Variants in NEGR1 observed in about 807,000 individuals in gnomAD.
The protein encoded by NEGR1 is IgLON family member 4.
Under a neutral mutation model 40.9 loss-of-function variants are expected in NEGR1, and 10 were observed. That is an observed-to-expected ratio of 0.24 (90% CI 0.15 to 0.42). The LOEUF (loss-of-function observed/expected upper bound fraction) is 0.42, where lower values mean the gene tolerates loss of function less well. NEGR1 is among the 10% of genes least tolerant of loss of function. NEGR1 has a pLI of 1.00. For synonymous variants in NEGR1, 185 were observed against 166.8 expected (o/e 1.11, Z -0.84); for missense variants, 352 against 438.9 (o/e 0.80, Z 1.77).
At chr1:72,157,291 T>C (rs1201669483) in intron 1 of NEGR1, among the ~76,000 whole-genome samples, 1 of 152,196 alleles carries the variant, frequency 6.6e-6, no homozygotes, top group East Asian at 1.9e-4. Flanking sequence ...GTGTGTTTTA[T>C]ATTGTATTGG....
At chr1:71,697,871 A>C in intron 4 of NEGR1, 137 bp downstream of exon 4, 3 of 721,174 alleles carry the variant, frequency 4.2e-6, no homozygotes, top group Middle Eastern at 3.1e-4. Context: ...TTCAACATCT[A>C]CACGTCTTCA....
At chr1:72,033,400 G>A (rs1646876047) in intron 1 of NEGR1, among the ~76,000 whole-genome samples, 1 of 152,018 alleles carries the variant, frequency 6.6e-6, no homozygotes, top group African/African-American at 2.4e-5. Flanking sequence ...CTATTACCCT[G>A]CAATAATGGA....
In NEGR1 at chr1:71,402,649, A is replaced by C. The variant is rs1218728994; in HGVS notation, c.*4797T>G. 1 of 152,290 alleles carries C rather than the reference A, an allele frequency of 6.6e-6. No homozygotes were observed. Among genetic ancestry groups the C allele is most frequent in the African/African-American group, 2.4e-5 (1 of 41,574 alleles). The allele number at this position is 152,290 out of a possible 1,614,324, so 9.4% of individuals were successfully genotyped here. ...TTCTTGGAAAGTTCAGAGGGAGTAC[A>C]TTGACGGGTGTTTGGATCAAATTCC... On this transcript the variant is annotated 3_prime_UTR_variant, in exon 7 of 7. Coordinates refer to ENST00000357731, the MANE Select transcript of NEGR1 (RefSeq NM_173808.3).
intron 3 of NEGR1, among the ~76,000 whole-genome samples, chr1:71,717,204 A>G (rs1323401650): frequency 6.6e-6 from 1 of 152,202 alleles, no homozygotes; most frequent in African/African-American, 2.4e-5. Flanking sequence ...ATATTTGTCT[A>G]CATATGCTGT....
At chr1:72,225,346 C>A (rs1473373294) in intron 1 of NEGR1, among the ~76,000 whole-genome samples, 1 of 151,736 alleles carries the variant, frequency 6.6e-6, no homozygotes, top group African/African-American at 2.4e-5. Context: ...CATGGTATAT[C>A]TTTTATAATA....
Position 71,880,593 on chromosome 1 carries a change from A to G in NEGR1, c.409+54486T>C, listed in dbSNP as rs554041535. ...TTTGAAATGAACTCCAAACACTTCA[A>G]CATAGATAGAAAACCTTGCAGTTTC... On this transcript the variant is annotated intron_variant, in intron 2 of 6. Coordinates refer to ENST00000357731, the MANE Select transcript of NEGR1 (RefSeq NM_173808.3). Among the ~76,000 whole-genome samples the G allele has an allele frequency of 4.6e-5, 7 of 152,174 alleles. No homozygotes were observed. In the South Asian group the frequency reaches 1.4e-3, roughly 32 times the overall value.
rs116424719 is a variant in NEGR1, at chr1:72,222,413, A to G, written c.176+59906T>C. On this transcript the variant is annotated intron_variant, in intron 1 of 6. Coordinates refer to ENST00000357731, the MANE Select transcript of NEGR1 (RefSeq NM_173808.3). ...TCTGCAAAGACTAGAATAAATCTCTACTTCTTCAGATGCATGGACACCAAC... is the reference window on the plus strand; with the variant it reads ...TCTGCAAAGACTAGAATAAATCTCTGCTTCTTCAGATGCATGGACACCAAC... 5.2e-3 allele frequency among the ~76,000 whole-genome samples: 797 copies of G among 152,258 alleles called. 7 individuals are homozygous for G. The highest frequency in any genetic ancestry group is 0.017 in the African/African-American group (723 of 41,566).
At chr1:71,520,940 G>A (rs1190999231) in intron 6 of NEGR1, among the ~76,000 whole-genome samples, 1 of 152,006 alleles carries the variant, frequency 6.6e-6, no homozygotes, top group Non-Finnish European at 1.5e-5. Flanking sequence ...ATTAATCTGT[G>A]ATTAGATTAA....
intron 4 of NEGR1, among the ~76,000 whole-genome samples, chr1:71,634,407 G>A (rs909650143): frequency 6.6e-6 from 1 of 152,074 alleles, no homozygotes; most frequent in East Asian, 1.9e-4. Flanking sequence ...AGCCAAGCTG[G>A]CTTTAATGTG....
intron 4 of NEGR1, among the ~76,000 whole-genome samples, chr1:71,615,648 T>G (rs1471675949): frequency 1.3e-5 from 2 of 152,124 alleles, no homozygotes; most frequent in African/African-American, 4.8e-5. Flanking sequence ...GAAGAGAAGG[T>G]GGGGCAGGGG....
intron 1 of NEGR1, among the ~76,000 whole-genome samples, chr1:71,945,688 T>A (rs866776656): frequency 6.6e-6 from 1 of 152,130 alleles, no homozygotes; most frequent in Non-Finnish European, 1.5e-5. Context: ...GTTATAAAAG[T>A]TGTACTGGGA....
At chr1:71,868,381 A>G (rs1055493978) in intron 2 of NEGR1, among the ~76,000 whole-genome samples, 3 of 152,254 alleles carry the variant, frequency 2.0e-5, no homozygotes, top group Middle Eastern at 3.4e-3. Flanking sequence ...AGAAATAGCC[A>G]TCTTAAACAA....
At chr1:71,872,889 T>TTC (rs899050827) in intron 2 of NEGR1, among the ~76,000 whole-genome samples, 33 of 152,174 alleles carry the variant, frequency 2.2e-4, no homozygotes, top group African/African-American at 7.7e-4. Context: ...GACATTGTTG[T>TTC]TCTCTCTCTT....
intron 4 of NEGR1, among the ~76,000 whole-genome samples, chr1:71,659,276 T>G (rs1206858514): frequency 6.6e-6 from 1 of 152,132 alleles, no homozygotes; most frequent in African/African-American, 2.4e-5. Flanking sequence ...CAAACAGGCT[T>G]GAAACTCAGA....
intron 4 of NEGR1, among the ~76,000 whole-genome samples, chr1:71,690,121 T>C (rs1653203137): frequency 6.6e-6 from 1 of 151,986 alleles, no homozygotes; most frequent in Admixed American, 6.6e-5. Flanking sequence ...TTCTCTCCCT[T>C]CACACACATA....
intron 6 of NEGR1, 120 bp from the exon 7 acceptor site, chr1:71,407,690 G>A: frequency 1.2e-6 from 1 of 866,172 alleles, no homozygotes; most frequent in Non-Finnish European, 1.8e-6. Flanking sequence ...CAGACAGACT[G>A]AAGTTCATAT....
intron 1 of NEGR1, among the ~76,000 whole-genome samples, chr1:72,193,614 A>G (rs1399055915): frequency 2.0e-5 from 3 of 151,344 alleles, no homozygotes. Flanking sequence ...TTTTAAGGCC[A>G]CAGATATTAT....
chr1:72,010,682 A>G (rs1646648761), intron 1 of NEGR1, among the ~76,000 whole-genome samples: 2 of 151,970 alleles, frequency 1.3e-5, no homozygotes, highest in African/African-American at 4.8e-5. Flanking sequence ...TGAATGCAGA[A>G]TTGTGTGCTA....
chr1:71,865,841 C>A (rs1660095113), intron 2 of NEGR1, among the ~76,000 whole-genome samples: 1 of 152,070 alleles, frequency 6.6e-6, no homozygotes, highest in African/African-American at 2.4e-5. Context: ...TCACACATAG[C>A]AATAAAGAAC....
Sources: gnomAD v4.1 joint callset for allele counts (sites outside exome capture counted in the v4.1 genomes callset) on GRCh38, gnomAD v4.1.1 for gene constraint, MANE v1.5 for transcripts, NCBI Gene and HGNC (gene_info 2026-07-23, HGNC 2026-07-21) for gene names.